Variants in KCNQ5 observed in about 807,000 individuals in gnomAD.
KCNQ5 encodes potassium voltage-gated channel subfamily KQT member 5.
In KCNQ5, 30 loss-of-function variants were observed where a neutral mutation model predicts 98.2. The observed-to-expected ratio is 0.31, with a 90% CI of 0.23 to 0.41. KCNQ5 has a LOEUF of 0.41. KCNQ5 is among the 10% of genes least tolerant of loss of function. The pLI, the probability that KCNQ5 is intolerant of heterozygous loss-of-function variation, is 1.00. For synonymous variants in KCNQ5, 458 were observed against 449.4 expected, an observed-to-expected ratio of 1.02 and a Z score of -0.24; for missense variants, 835 against 1,182.5, an observed-to-expected ratio of 0.71 and a Z score of 4.31.
chr6:72,957,360 G>A lies in KCNQ5; in HGVS notation c.399-46548G>A, dbSNP rs562587160. On this transcript the variant is annotated intron_variant, in intron 1 of 13. Transcript: ENST00000370398. ...TAATTTTTGTGTTTTTAGTAGAGAC[G>A]GGGTTTCACCATGTTGGCCAGGCTG... 2.0e-3 allele frequency among the ~76,000 whole-genome samples: 307 copies of A among 151,672 alleles called. 2 individuals are homozygous for A. The highest frequency in any genetic ancestry group is 3.7e-3 in the Non-Finnish European group (248 of 67,872).
chr6:72,709,539 AAT>A (rs751294009), intron 1 of KCNQ5, among the ~76,000 whole-genome samples: 2 of 152,226 alleles, frequency 1.3e-5, no homozygotes, highest in Non-Finnish European at 2.9e-5. Context: ...GCTAAGTCAA[AAT>A]GAATTGTGAA....
At chr6:73,120,325 G>A (rs1339007908) in intron 7 of KCNQ5, among the ~76,000 whole-genome samples, 158 bp from the exon 8 acceptor site, 3 of 152,140 alleles carry the variant, frequency 2.0e-5, no homozygotes, top group Admixed American at 1.3e-4. Flanking sequence ...AGCTGAAAAT[G>A]CCAAAGTAGC....
intron 2 of KCNQ5, among the ~76,000 whole-genome samples, chr6:73,010,135 T>C (rs1233898128): frequency 6.6e-6 from 1 of 152,154 alleles, no homozygotes; most frequent in Non-Finnish European, 1.5e-5. Context: ...TTTACCAGAA[T>C]ATTAAGAGGA....
intron 1 of KCNQ5, among the ~76,000 whole-genome samples, chr6:72,870,684 A>G (rs1778168542): frequency 6.6e-6 from 1 of 152,226 alleles, no homozygotes; most frequent in Non-Finnish European, 1.5e-5. Context: ...CTGTTTTATT[A>G]TAATCTGATT....
chr6:73,158,165 G>A, intron 10 of KCNQ5: 1 of 349,902 alleles, frequency 2.9e-6, no homozygotes, highest in Non-Finnish European at 5.5e-6. Context: ...GCGGGGCGGC[G>A]GGAAGGGAAC....
At chr6:72,835,750 C>T (rs1275959380) in intron 1 of KCNQ5, among the ~76,000 whole-genome samples, 1 of 152,200 alleles carries the variant, frequency 6.6e-6, no homozygotes, top group Non-Finnish European at 1.5e-5. Context: ...GAAAGTGGCA[C>T]ATTTCTGTTT....
At chr6:73,057,509 A>C (rs1396431904) in intron 3 of KCNQ5, among the ~76,000 whole-genome samples, 1 of 152,092 alleles carries the variant, frequency 6.6e-6, no homozygotes, top group African/African-American at 2.4e-5. Flanking sequence ...TAAAAATTTA[A>C]AAAATGAATA....
intron 1 of KCNQ5, among the ~76,000 whole-genome samples, chr6:72,867,478 C>A (rs1329436066): frequency 1.3e-5 from 2 of 152,128 alleles, no homozygotes; most frequent in Non-Finnish European, 2.9e-5. Flanking sequence ...GTGTTTAGGG[C>A]ATACTTGAAG....
chr6:72,964,250 G>A (rs1767504402), intron 1 of KCNQ5, among the ~76,000 whole-genome samples: 1 of 152,036 alleles, frequency 6.6e-6, no homozygotes, highest in Non-Finnish European at 1.5e-5. Flanking sequence ...AAAAATGATG[G>A]CATCATTTAA....
At chr6:72,875,830 T>A (rs972878070) in intron 1 of KCNQ5, among the ~76,000 whole-genome samples, 1 of 152,082 alleles carries the variant, frequency 6.6e-6, no homozygotes, top group African/African-American at 2.4e-5. Context: ...AAATATTAAT[T>A]TTTTGTTATG....
intron 2 of KCNQ5, among the ~76,000 whole-genome samples, chr6:73,030,639 T>C (rs898587964): frequency 5.9e-5 from 9 of 152,192 alleles, no homozygotes; most frequent in African/African-American, 2.2e-4. Flanking sequence ...CAAAATGTTT[T>C]CTGTTTTGCT....
At position 72,766,927 on chromosome 6, in the gene KCNQ5, T is replaced by C. The variant is rs78827960; in HGVS notation, c.398+144340T>C. Among the ~76,000 whole-genome samples, 570 of 152,068 alleles carry C rather than the reference T, an allele frequency of 3.7e-3. 2 individuals are homozygous for C. The highest frequency in any genetic ancestry group is 6.2e-3 in the Non-Finnish European group (418 of 67,962). The stretch of plus-strand genomic sequence containing the variant: ...CACAGCATAAAGATGGTATTTAAGC[T>C]ATGTAACTAAATGAAATCACCTAGA... On this transcript the variant is annotated intron_variant, in intron 1 of 13. Coordinates refer to ENST00000370398, the MANE Select transcript of KCNQ5 (RefSeq NM_019842.4).
chr6:72,806,713 C>A, intron 1 of KCNQ5: 1 of 395,932 alleles, frequency 2.5e-6, no homozygotes, highest in Non-Finnish European at 4.9e-6. Context: ...TTCTGCATTT[C>A]CCATATTTTG....
intron 1 of KCNQ5, among the ~76,000 whole-genome samples, chr6:72,900,200 T>C (rs1779431678): frequency 6.6e-6 from 1 of 151,986 alleles, no homozygotes; most frequent in East Asian, 1.9e-4. Flanking sequence ...TGAGAACATA[T>C]GATGATTGGT....
intron 1 of KCNQ5, among the ~76,000 whole-genome samples, chr6:72,655,024 CTGT>C (rs1372208082): frequency 1.1e-5 from 1 of 87,474 alleles, no homozygotes; most frequent in African/African-American, 1.1e-4. Context: ...CAAGGTCTGT[CTGT>C]CTTTCTTTCT....
chr6:73,140,070 T>C (rs554785805), intron 10 of KCNQ5, among the ~76,000 whole-genome samples: 1 of 152,298 alleles, frequency 6.6e-6, no homozygotes, highest in South Asian at 2.1e-4. Flanking sequence ...TCAAGATCAC[T>C]GAAAACAGTG....
At chr6:73,105,488 G>T (rs377074352) in intron 6 of KCNQ5, 121 bp downstream of exon 6, 6 of 505,380 alleles carry the variant, frequency 1.2e-5, no homozygotes, top group Non-Finnish European at 2.1e-5. Flanking sequence ...TAATTTTTCC[G>T]ATATAATGTT....
chr6:72,916,168 G>A (rs955816176), intron 1 of KCNQ5, among the ~76,000 whole-genome samples: 2 of 152,072 alleles, frequency 1.3e-5, no homozygotes, highest in Non-Finnish European at 2.9e-5. Context: ...TGGAAACATT[G>A]GTAGTTTCTA....
At chr6:73,025,919 T>C (rs575566421) in intron 2 of KCNQ5, among the ~76,000 whole-genome samples, 2 of 152,256 alleles carry the variant, frequency 1.3e-5, no homozygotes, top group African/African-American at 4.8e-5. Context: ...TTCTCATAAT[T>C]ATGGAAAATC....
Sources: gnomAD v4.1 joint callset for allele counts (sites outside exome capture counted in the v4.1 genomes callset) on GRCh38, gnomAD v4.1.1 for gene constraint, MANE v1.5 for transcripts, NCBI Gene and HGNC (gene_info 2026-07-23, HGNC 2026-07-21) for gene names.